Variants in HEXB observed in about 807,000 individuals in gnomAD.
HEXB encodes the protein hexosaminidase subunit beta.
Under a neutral mutation model 71.2 loss-of-function variants are expected in HEXB, and 51 were observed. The observed-to-expected ratio is 0.72, with a 90% CI of 0.57 to 0.90. The LOEUF (loss-of-function observed/expected upper bound fraction) is 0.90. HEXB is among the 40% of genes least tolerant of loss of function. The probability of loss-of-function intolerance (pLI) is 0.00; values close to 1 mark genes in which losing one functional copy is unlikely to be tolerated. For missense variants in HEXB, 617 were observed against 677.0 expected, an observed-to-expected ratio of 0.91 and a Z score of 0.98; for synonymous variants, 266 against 249.3, an observed-to-expected ratio of 1.07 and a Z score of -0.63.
intron 5 of HEXB, among the ~76,000 whole-genome samples, chr5:74,702,667 CT>C (rs1274179045): frequency 6.6e-6 from 1 of 152,158 alleles, no homozygotes; most frequent in Non-Finnish European, 1.5e-5. Context: ...AATTAAGTAT[CT>C]TGTGGGAAGA....
chr5:74,674,605 G>GAAA (rs1199567534), intron 1 of HEXB, among the ~76,000 whole-genome samples: 30 of 94,758 alleles, frequency 3.2e-4, no homozygotes, highest in Admixed American at 3.7e-4. Context: ...CTCTGTCTCA[G>GAAA]AAAAAAAAAA....
At chr5:74,716,532 T>A in intron 8 of HEXB, 55 bp from the exon 9 acceptor site, 1 of 1,076,062 alleles carries the variant, frequency 9.3e-7, no homozygotes, top group Non-Finnish European at 1.4e-6. Context: ...CTGCTCTAAA[T>A]AATAAACTGA....
At chr5:74,683,797 A>G (rs1400629036), upstream of HEXB, among the ~76,000 whole-genome samples, 1 of 150,904 alleles carries the variant, frequency 6.6e-6, no homozygotes, top group Non-Finnish European at 1.5e-5. Context: ...CTGAGGCCCA[A>G]TAATCATTAC....
upstream of HEXB, among the ~76,000 whole-genome samples, chr5:74,684,286 C>T (rs820870): frequency 0.53 from 81,266 of 152,060 alleles, 22,130 homozygotes; most frequent in Non-Finnish European, 0.57. Context: ...CATGTGACTT[C>T]ACTGGCTCTT....
At chr5:74,713,329 C>A (rs961836179) in intron 6 of HEXB, among the ~76,000 whole-genome samples, 177 bp from the exon 7 acceptor site, 12 of 152,134 alleles carry the variant, frequency 7.9e-5, no homozygotes, top group African/African-American at 2.4e-4. Flanking sequence ...ATTTTCTACT[C>A]CTGAAACTAT....
chr5:74,664,810 G>T (rs769823877), intron 1 of HEXB, among the ~76,000 whole-genome samples: 2 of 152,092 alleles, frequency 1.3e-5, no homozygotes, highest in Non-Finnish European at 2.9e-5. Context: ...GGAGACAATG[G>T]CAATTAATAG....
At chr5:74,691,132 T>C (rs992780838) in intron 2 of HEXB, among the ~76,000 whole-genome samples, 2 of 152,236 alleles carry the variant, frequency 1.3e-5, no homozygotes, top group Admixed American at 1.3e-4. Flanking sequence ...GACAAGGTTA[T>C]TGTGAAATTT....
At chr5:74,691,720 TAGGTG>T (rs1749007773) in intron 2 of HEXB, among the ~76,000 whole-genome samples, 1 of 152,322 alleles carries the variant, frequency 6.6e-6, no homozygotes, top group African/African-American at 2.4e-5. Context: ...TAGAGGGAGT[TAGGTG>T]AGTATCTCAA....
intron 1 of HEXB, among the ~76,000 whole-genome samples, chr5:74,658,860 G>A (rs1260943779): frequency 6.6e-6 from 1 of 152,094 alleles, no homozygotes; most frequent in Non-Finnish European, 1.5e-5. Flanking sequence ...TCAAATCTGA[G>A]AATGATTTAG....
chr5:74,656,707 G>A (rs941439451), intron 1 of HEXB, among the ~76,000 whole-genome samples: 4 of 152,000 alleles, frequency 2.6e-5, no homozygotes. Context: ...TGGGTTCAAG[G>A]TTCAAGCAAT....
At chr5:74,715,738 T>G (rs1382857367) in intron 8 of HEXB, 48 bp downstream of exon 8, 1 of 1,276,614 alleles carries the variant, frequency 7.8e-7, no homozygotes. Context: ...AAAGAGAGGC[T>G]GGGTGCGGTG....
chr5:74,697,162 T>G (rs1749132186), intron 5 of HEXB, 56 bp downstream of exon 5: 1 of 876,086 alleles, frequency 1.1e-6, no homozygotes. Flanking sequence ...CTCCTTTATG[T>G]TGTAACTTTA....
chr5:74,693,806 T>C, intron 3 of HEXB, 102 bp downstream of exon 3: 1 of 821,244 alleles, frequency 1.2e-6, no homozygotes, highest in Non-Finnish European at 2.2e-6. Context: ...CTTAGATCCT[T>C]TACAGAATGC....
At chr5:74,668,939 G>A (rs1003306249) in intron 1 of HEXB, among the ~76,000 whole-genome samples, 2 of 152,092 alleles carry the variant, frequency 1.3e-5, no homozygotes, top group African/African-American at 4.8e-5. Flanking sequence ...AATGTTTATT[G>A]GTTTGTGCGG....
chr5:74,685,765 C>T (rs531568195), intron 1 of HEXB, among the ~76,000 whole-genome samples: 36 of 152,130 alleles, frequency 2.4e-4, no homozygotes, highest in Non-Finnish European at 4.3e-4. Context: ...CTTGGGTGCT[C>T]AGGAACCCTG....
chr5:74,697,109 A>G lies in HEXB; in HGVS notation c.669+3A>G. 1 of 1,224,068 alleles carries G rather than the reference A, an allele frequency of 8.2e-7. No homozygotes were observed. The highest frequency in any genetic ancestry group is 1.2e-6 in the Non-Finnish European group (1 of 825,004). The allele number at this position is 1,224,068 out of a possible 1,614,324, so 75.8% of individuals were successfully genotyped here. ...TTAAGATTATTCTTAAAACTCTGGT[A>G]AGTAATTACTTCATTCTAATCTGTT... On this transcript the variant is annotated splice_donor_region_variant and intron_variant, in intron 5 of 13. Transcript: ENST00000261416.
intron 1 of HEXB, among the ~76,000 whole-genome samples, chr5:74,658,875 C>T (rs1225985487): frequency 1.3e-5 from 2 of 152,060 alleles, no homozygotes; most frequent in Admixed American, 6.5e-5. Context: ...ATTTAGGGAA[C>T]CCACCCTCTA....
intron 2 of HEXB, among the ~76,000 whole-genome samples, chr5:74,691,683 C>T (rs1749006949): frequency 6.6e-6 from 1 of 152,142 alleles, no homozygotes; most frequent in Non-Finnish European, 1.5e-5. Flanking sequence ...TAAGAAAATG[C>T]CCGATAAGTA....
intron 1 of HEXB, among the ~76,000 whole-genome samples, chr5:74,662,903 A>C (rs58800580): frequency 0.58 from 87,645 of 152,078 alleles, 26,779 homozygotes; most frequent in African/African-American, 0.79. Flanking sequence ...CCCAAGGCTA[A>C]ACAATTACTA....
Sources: allele counts gnomAD v4.1 joint callset (sites outside exome capture counted in the v4.1 genomes callset), GRCh38; gene constraint gnomAD v4.1.1; transcripts MANE v1.5; gene names NCBI Gene and HGNC (gene_info 2026-07-23, HGNC 2026-07-21).